The following ZNF337 variants were observed in gnomAD, a reference collection of about 807,000 sequenced individuals.
The protein encoded by ZNF337 is zinc finger protein 337.
ZNF337 carries 8 observed loss-of-function variants against 12.1 expected under a neutral mutation model. That is an observed-to-expected ratio of 0.66 (90% CI 0.39 to 1.19). The LOEUF (loss-of-function observed/expected upper bound fraction) is 1.19, where lower values mean the gene tolerates loss of function less well. Ranked by LOEUF, ZNF337 falls within the 50% of genes most tolerant of loss-of-function variation. The pLI is 0.01. For missense variants in ZNF337, 882 were observed against 896.6 expected (o/e 0.98, Z 0.21); for synonymous variants, 336 against 320.0 (o/e 1.05, Z -0.53).
rs745359469 is a variant in ZNF337 at position 25,685,574 on chromosome 20, G to A, written c.243C>T (p.Pro81=). Residue 81 remains proline, a synonymous_variant, in exon 4 of 5, where the codon CCC becomes CCT. Coordinates refer to ENST00000252979, the MANE Select transcript of ZNF337 (RefSeq NM_015655.4). ...WGEERRRRPG[P]CAGIYAEHVL... is the part of the protein sequence containing the mutation. The stretch of plus-strand genomic sequence containing the variant: ...CCCTGTCTATCCCCTCACCTGCACA[G>A]GGGCCTGGCCGGCGTCTTCTCTCTT... 1 of 1,613,966 alleles carries A rather than the reference G, an allele frequency of 6.2e-7. No individual in the cohort carries two copies. Among genetic ancestry groups the A allele is most frequent in the Admixed American group, 1.7e-5 (1 of 60,018 alleles).
chr20:25,681,276 C>A (rs147355981), intron 4 of ZNF337: 1 of 152,126 alleles, frequency 6.6e-6, no homozygotes. Context: ...GTCATTTCTA[C>A]GATACTCAAG....
intron 1 of ZNF337, chr20:25,686,815 C>G (rs1015639365): frequency 4.5e-6 from 1 of 221,862 alleles, no homozygotes; most frequent in African/African-American, 2.3e-5. Flanking sequence ...TCTGCCTCTT[C>G]TAGCCTCTGT....
intron 1 of ZNF337, among the ~76,000 whole-genome samples, chr20:25,694,138 C>CT (rs1226599187): frequency 6.6e-6 from 1 of 152,148 alleles, no homozygotes; most frequent in Non-Finnish European, 1.5e-5. Flanking sequence ...ATATTTAACA[C>CT]TTTTTTAGAA....
chr20:25,675,185 A>G lies in ZNF337; in HGVS notation c.2103T>C (p.Thr701=). Reference sequence around the variant, plus strand: ...CTCCTGTGTGTATTCTTTCATGCACAGTGAGGTCTGACTTACTGGTATAGC... The same window carrying G: ...CTCCTGTGTGTATTCTTTCATGCACGGTGAGGTCTGACTTACTGGTATAGC... ...KRGYTSKSDL[T]VHERIHTGER... The change falls in exon 5 of 5, where the codon ACT becomes ACC. Residue 701 remains threonine (T), a synonymous_variant. Transcript: ENST00000252979. 1 of 1,614,258 alleles carries G rather than the reference A, an allele frequency of 6.2e-7. No homozygotes were observed. Among genetic ancestry groups the G allele is most frequent in the Non-Finnish European group, 8.5e-7 (1 of 1,180,040 alleles).
In ZNF337 at chr20:25,674,904, G is replaced by A; in HGVS notation, c.*128C>T. ...CACATGGGTTGAATTCAGGTTCTCT[G>A]TAGCCCTCTGGATTCTGTCTGCCTC... On this transcript the variant is annotated 3_prime_UTR_variant, in exon 5 of 5. Coordinates refer to ENST00000252979, the MANE Select transcript of ZNF337 (RefSeq NM_015655.4). 1.2e-6 allele frequency: 1 copy of A among 818,196 alleles called. No individual in the cohort carries two copies. Among genetic ancestry groups the A allele is most frequent in the Non-Finnish European group, 1.9e-6 (1 of 526,996 alleles). 50.7% of individuals were successfully genotyped at this position (818,196 alleles called of 1,614,324 possible).
intron 1 of ZNF337, among the ~76,000 whole-genome samples, chr20:25,687,981 C>T (rs1896063740): frequency 1.3e-5 from 2 of 152,190 alleles, no homozygotes; most frequent in South Asian, 4.1e-4. Context: ...TGGTACTTGA[C>T]TCTGATACTT....
chr20:25,683,791 G>A (rs1471506392), intron 4 of ZNF337, among the ~76,000 whole-genome samples: 3 of 152,196 alleles, frequency 2.0e-5, no homozygotes, highest in Non-Finnish European at 4.4e-5. Flanking sequence ...GGAAGTCAGT[G>A]TGGCGATTCC....
intron 4 of ZNF337, chr20:25,677,763 G>C (rs2065721409): frequency 1.3e-5 from 2 of 152,098 alleles, no homozygotes; most frequent in South Asian, 2.1e-4. Flanking sequence ...TGTTGTCCAG[G>C]CTGGTCTCAA....
rs1320492024 is a variant in ZNF337 at position 25,685,634 on chromosome 20, G to C, written c.183C>G (p.Ile61Met). 1 of 1,614,062 alleles carries C rather than the reference G, an allele frequency of 6.2e-7. No individual in the cohort carries two copies. The highest frequency in any genetic ancestry group is 2.2e-5 in the East Asian group (1 of 44,892). ...GCACTTCCCCTTGCTCTAGCCGCCTGATGAGTTCTGGTTTAGAATGGAGAA... is the reference window on the plus strand; with the variant it reads ...GCACTTCCCCTTGCTCTAGCCGCCTCATGAGTTCTGGTTTAGAATGGAGAA... ...LGILHSKPEL[I>M]RRLEQGEVPW... is the part of the protein sequence containing the mutation. The change falls in exon 4 of 5, where the codon ATC becomes ATG. Residue 61 changes from isoleucine (I) to methionine (M), a missense_variant. Physicochemically the swap from Ile to Met is conservative, Grantham distance 10. Coordinates refer to ENST00000252979, the MANE Select transcript of ZNF337 (RefSeq NM_015655.4).
rs925430630 is a variant in ZNF337, at chr20:25,675,563, C to T, written c.1725G>A (p.Lys575=). The T allele has an allele frequency of 6.2e-7, 1 of 1,613,820 alleles. No homozygotes were observed. ...TTAGGATGAAGCCTCGCCCGCAATCCTTGCAATTAAATGGCCTTTCCCCCG... is the reference window on the plus strand; with the variant it reads ...TTAGGATGAAGCCTCGCCCGCAATCTTTGCAATTAAATGGCCTTTCCCCCG... ...THSGERPFNC[K]DCGRGFILKS... The change falls in exon 5 of 5, where the codon AAG becomes AAA. Residue 575 remains lysine (K), a synonymous_variant. Coordinates refer to ENST00000252979, the MANE Select transcript of ZNF337 (RefSeq NM_015655.4).
intron 4 of ZNF337, chr20:25,681,067 G>C (rs915229827): frequency 6.6e-6 from 1 of 152,242 alleles, no homozygotes; most frequent in African/African-American, 2.4e-5. Context: ...AGGTGGAGTT[G>C]TTGGGAGATA....
chr20:25,688,867 G>C (rs1201384950), intron 1 of ZNF337, among the ~76,000 whole-genome samples: 2 of 152,188 alleles, frequency 1.3e-5, no homozygotes, highest in East Asian at 1.9e-4. Context: ...GGTGGCTCAC[G>C]CCTGTAATCC....
rs1317516901 is a variant in ZNF337 at position 25,674,079 on chromosome 20, G to A, written c.*953C>T. 1 of 152,188 alleles carries A rather than the reference G, an allele frequency of 6.6e-6. No individual in the cohort carries two copies. The highest frequency in any genetic ancestry group is 1.5e-5 in the Non-Finnish European group (1 of 68,036). 9.4% of individuals were successfully genotyped at this position (152,188 alleles called of 1,614,324 possible). On this transcript the variant is annotated 3_prime_UTR_variant, in exon 5 of 5. Coordinates refer to ENST00000252979, the MANE Select transcript of ZNF337 (RefSeq NM_015655.4). ...GTTCTTGGTATCAGCTGTGTTGGAG[G>A]GAGTTCTCTGCAAAGACCAATATGG...
intron 1 of ZNF337, among the ~76,000 whole-genome samples, chr20:25,692,915 CTT>C (rs1408401272): frequency 6.6e-6 from 1 of 152,078 alleles, no homozygotes; most frequent in Non-Finnish European, 1.5e-5. Flanking sequence ...ATGATCAAGA[CTT>C]CACTATATAC....
In ZNF337 at chr20:25,675,207, T is replaced by C. The variant is rs536765434; in HGVS notation, c.2081A>G (p.Tyr694Cys). 6.2e-7 allele frequency: 1 copy of C among 1,614,274 alleles called. No homozygotes were observed. Among genetic ancestry groups the C allele is most frequent in the Non-Finnish European group, 8.5e-7 (1 of 1,180,050 alleles). Residue 694 changes from tyrosine to cysteine, a missense_variant, in exon 5 of 5, where the codon TAT becomes TGT. Transcript: ENST00000252979. ...CACAGTGAGGTCTGACTTACTGGTA[T>C]AGCCTCGCTTACACTCCTGGCAAAC... ...PFVCQECKRG[Y>C]TSKSDLTVHE...
Position 25,689,012 on chromosome 20 carries a change from C to T in ZNF337, c.-49-2546G>A, listed in dbSNP as rs151097819. Among the ~76,000 whole-genome samples the T allele has an allele frequency of 8.5e-3, 1,298 of 152,130 alleles. 17 individuals carry two copies. Among genetic ancestry groups the T allele is most frequent in the African/African-American group, 0.029 (1,220 of 41,488 alleles). The stretch of plus-strand genomic sequence containing the variant: ...AAATAGCCGGGAGTGGTGGCGGCGC[C>T]TGTAGTCCCAGCTACTCGGGAGGCT... On this transcript the variant is annotated intron_variant, in intron 1 of 4. Coordinates refer to ENST00000252979, the MANE Select transcript of ZNF337 (RefSeq NM_015655.4).
intron 1 of ZNF337, among the ~76,000 whole-genome samples, chr20:25,695,969 C>A (rs1258915215): frequency 6.6e-6 from 1 of 152,090 alleles, no homozygotes; most frequent in Non-Finnish European, 1.5e-5. Context: ...TAGGAATAAA[C>A]CTTTTTAAAT....
chr20:25,684,347 G>A (rs2065802150), intron 4 of ZNF337, among the ~76,000 whole-genome samples: 1 of 151,170 alleles, frequency 6.6e-6, no homozygotes, highest in Non-Finnish European at 1.5e-5. Context: ...AAAACTTAAA[G>A]TATAATAATA....
Position 25,696,830 on chromosome 20 carries a change from G to C in ZNF337, c.-121C>G. ...ACCACGCATCTCACGGCTCGCTGACGCCCAGGGATCTGGAACGCTCTGCGC... is the reference window on the plus strand; with the variant it reads ...ACCACGCATCTCACGGCTCGCTGACCCCCAGGGATCTGGAACGCTCTGCGC... On this transcript the variant is annotated 5_prime_UTR_variant, in exon 1 of 5. Transcript: ENST00000252979. 2.0e-6 allele frequency: 2 copies of C among 985,436 alleles called. No individual in the cohort carries two copies. The highest frequency in any genetic ancestry group is 2.4e-6 in the Non-Finnish European group (2 of 829,920). 61.0% of individuals were successfully genotyped at this position (985,436 alleles called of 1,614,324 possible).
Sources: gnomAD v4.1 joint callset for allele counts (sites outside exome capture counted in the v4.1 genomes callset) on GRCh38, gnomAD v4.1.1 for gene constraint, MANE v1.5 for transcripts, NCBI Gene and HGNC (gene_info 2026-07-23, HGNC 2026-07-21) for gene names.